BOK: variants seen among roughly 807,000 people sequenced by gnomAD.
BOK encodes bcl-2-related ovarian killer protein.
A neutral mutation model predicts 18.3 loss-of-function variants in BOK; 20 were observed. The ratio of observed to expected loss-of-function variants is 1.09; its 90% CI spans 0.77 to 1.59. BOK has a LOEUF of 1.59. BOK is among the 40% of genes most tolerant of loss of function. BOK has a pLI of 0.00. For missense variants in BOK, 348 were observed against 307.9 expected (o/e 1.13, Z -0.97); for synonymous variants, 173 against 142.4 (o/e 1.21, Z -1.53).
At chr2:241,566,510 T>C (rs1275671924) in intron 3 of BOK, among the ~76,000 whole-genome samples, 2 of 151,962 alleles carry the variant, frequency 1.3e-5, no homozygotes, top group African/African-American at 4.8e-5. Flanking sequence ...AGACAGAGTT[T>C]CACCATGTCA....
Position 241,573,216 on chromosome 2 carries a change from G to A in BOK, c.*794G>A, listed in dbSNP as rs545657725. 8 of 133,582 alleles carry A rather than the reference G, an allele frequency of 6.0e-5. No homozygotes were observed. Among genetic ancestry groups the A allele is most frequent in the African/African-American group, 1.1e-4 (4 of 35,136 alleles). The allele number at this position is 133,582 out of a possible 1,614,324, so 8.3% of individuals were successfully genotyped here. A position where few individuals can be genotyped will look rare whatever the true frequency, so the allele number is the denominator to read the frequency against. On this transcript the variant is annotated 3_prime_UTR_variant, in exon 5 of 5. Transcript: ENST00000318407. The stretch of plus-strand genomic sequence containing the variant: ...AACACCTGCTCTCACCTGAGCCCCC[G>A]GTGAAGGGGCCCGGAACACTTGCTC...
rs569516517 is a variant in BOK, at chr2:241,562,014, G to A, written c.221-334G>A. Among the ~76,000 whole-genome samples the A allele has an allele frequency of 1.2e-4, 19 of 152,362 alleles. No homozygotes were observed. The highest frequency in any genetic ancestry group is 9.6e-4 in the East Asian group (5 of 5,184). The stretch of plus-strand genomic sequence containing the variant: ...GCTCTGGGCAGCTCGGCTGCCTGTC[G>A]GCTGTGAGTCACCAGCAGGCACGGC... On this transcript the variant is annotated intron_variant, in intron 2 of 4. Coordinates refer to ENST00000318407, the MANE Select transcript of BOK (RefSeq NM_032515.5). This position sits in a 1 kb window ranked among gnomAD's most constrained non-coding sequence, Gnocchi z 4.5.
chr2:241,560,207 G>A, intron 2 of BOK: 1 of 985,438 alleles, frequency 1.0e-6, no homozygotes, highest in Non-Finnish European at 1.2e-6. Flanking sequence ...GAGGACATCT[G>A]GGGGTGCTCG....
At chr2:241,560,190 G>A (rs756264415) in intron 2 of BOK, 16 of 985,486 alleles carry the variant, frequency 1.6e-5, no homozygotes, top group Non-Finnish European at 1.9e-5. Flanking sequence ...GTATTCGTTG[G>A]TGCTGTGAGG....
intron 3 of BOK, among the ~76,000 whole-genome samples, chr2:241,563,049 C>T (rs1462076024): frequency 3.3e-5 from 5 of 152,178 alleles, no homozygotes; most frequent in African/African-American, 2.4e-5. Context: ...TCCCGGAGGG[C>T]ATCCGGAGAA....
chr2:241,562,038 GC>G lies in BOK; in HGVS notation c.221-307del, dbSNP rs1201498558. ...CGGCTGTGAGTCACCAGCAGGCACGGCCCACGCTCTCGCAGGATTCCCGCCC... is the reference window on the plus strand; with the variant it reads ...CGGCTGTGAGTCACCAGCAGGCACGGCCACGCTCTCGCAGGATTCCCGCCC... On this transcript the variant is annotated intron_variant, in intron 2 of 4. Transcript: ENST00000318407. This position sits in a 1 kb window ranked among gnomAD's most constrained non-coding sequence, Gnocchi z 4.5. Among the ~76,000 whole-genome samples, 1 of 152,254 alleles carries G rather than the reference GC, an allele frequency of 6.6e-6. No individual in the cohort carries two copies. Among genetic ancestry groups the G allele is most frequent in the African/African-American group, 2.4e-5 (1 of 41,478 alleles).
At chr2:241,552,662 G>A (rs2066422900) in intron 1 of BOK, among the ~76,000 whole-genome samples, 3 of 152,198 alleles carry the variant, frequency 2.0e-5, no homozygotes, top group Admixed American at 2.0e-4. Flanking sequence ...CCCCTGCAAT[G>A]CCAGCGCGTT....
At chr2:241,556,652 T>C (rs2066453816), upstream of BOK, among the ~76,000 whole-genome samples, 1 of 151,256 alleles carries the variant, frequency 6.6e-6, no homozygotes, top group Non-Finnish European at 1.5e-5. Flanking sequence ...TTATTCTTCC[T>C]ACTTCCCAGA....
chr2:241,562,483 C>T lies in BOK; in HGVS notation c.349+7C>T, dbSNP rs774431098. 2.5e-6 allele frequency: 4 copies of T among 1,604,146 alleles called. No individual in the cohort carries two copies. The highest frequency in any genetic ancestry group is 3.4e-6 in the Non-Finnish European group (4 of 1,176,220). On this transcript the variant is annotated splice_region_variant and intron_variant, in intron 3 of 4. Transcript: ENST00000318407. This position sits in a 1 kb window ranked among gnomAD's most constrained non-coding sequence, Gnocchi z 4.5. The stretch of plus-strand genomic sequence containing the variant: ...GGCCACATCTTCTCTGCAGGTATGC[C>T]CAGCCTGCCCGTCCCATGGGACCTC...
In BOK at chr2:241,572,729, C is replaced by T; in HGVS notation, c.*307C>T. The stretch of plus-strand genomic sequence containing the variant: ...GAAGTCAGGGTCAACTCCCAGGCCT[C>T]AGATGCAGGGGCCCAGAACACCTGC... On this transcript the variant is annotated 3_prime_UTR_variant, in exon 5 of 5. Coordinates refer to ENST00000318407, the MANE Select transcript of BOK (RefSeq NM_032515.5). 1 of 416,868 alleles carries T rather than the reference C, an allele frequency of 2.4e-6. No individual in the cohort carries two copies. Among genetic ancestry groups the T allele is most frequent in the Non-Finnish European group, 4.5e-6 (1 of 223,888 alleles). 25.8% of individuals were successfully genotyped at this position (416,868 alleles called of 1,614,324 possible). A position where few individuals can be genotyped will look rare whatever the true frequency, so the allele number is the denominator to read the frequency against.
chr2:241,561,998 A>G (rs2066532131), intron 2 of BOK, among the ~76,000 whole-genome samples: 1 of 152,132 alleles, frequency 6.6e-6, no homozygotes, highest in African/African-American at 2.4e-5. Context: ...TGCTCTGGGC[A>G]GCTCGGCTGC....
At chr2:241,563,211 GC>G (rs1311369446) in intron 3 of BOK, among the ~76,000 whole-genome samples, 1 of 152,164 alleles carries the variant, frequency 6.6e-6, no homozygotes, top group Non-Finnish European at 1.5e-5. Flanking sequence ...GAGGCTTAGG[GC>G]TTGTCTCCCC....
intron 4 of BOK, 77 bp downstream of exon 4, chr2:241,570,365 G>A: frequency 7.0e-7 from 1 of 1,424,608 alleles, no homozygotes; most frequent in African/African-American, 1.5e-5. Flanking sequence ...GTGGTGGATG[G>A]GTGAGCCTCT....
chr2:241,559,207 C>G (rs1368805933), intron 1 of BOK, among the ~76,000 whole-genome samples: 1 of 151,640 alleles, frequency 6.6e-6, no homozygotes, highest in Non-Finnish European at 1.5e-5. Flanking sequence ...GCGGGCCCGG[C>G]GGCCCCGGAG....
At chr2:241,566,059 T>G (rs896637983) in intron 3 of BOK, among the ~76,000 whole-genome samples, 1 of 151,896 alleles carries the variant, frequency 6.6e-6, no homozygotes, top group African/African-American at 2.4e-5. Context: ...CCGAGGTGGG[T>G]GGATCACCTG....
At chr2:241,566,535 G>A (rs1406956384) in intron 3 of BOK, among the ~76,000 whole-genome samples, 1 of 151,956 alleles carries the variant, frequency 6.6e-6, no homozygotes, top group Non-Finnish European at 1.5e-5. Flanking sequence ...GGCTGGTCTC[G>A]AACTCCTGAC....
chr2:241,552,421 G>A (rs1440030291), intron 1 of BOK, among the ~76,000 whole-genome samples: 1 of 152,130 alleles, frequency 6.6e-6, no homozygotes. Flanking sequence ...GCGCCATGCC[G>A]GTCCACACCC....
At position 241,572,378 on chromosome 2, in the gene BOK, C is replaced by G. The variant is rs750654945; in HGVS notation, c.595C>G (p.Arg199Gly). ...WLVAALCSFG[R>G]FLKAAFFVLL... ...GGTGGCTGCACTCTGCAGCTTCGGC[C>G]GCTTCCTGAAGGCTGCCTTCTTCGT... Residue 199 changes from arginine to glycine, a missense_variant, in exon 5 of 5, where the codon CGC (arginine) becomes GGC (glycine). Transcript: ENST00000318407. 1 of 1,605,528 alleles carries G rather than the reference C, an allele frequency of 6.2e-7. No individual in the cohort carries two copies. Among genetic ancestry groups the G allele is most frequent in the East Asian group, 2.2e-5 (1 of 44,840 alleles).
chr2:241,559,742 C>A (rs2066497658), intron 2 of BOK, 39 bp downstream of exon 2: 1 of 1,282,532 alleles, frequency 7.8e-7, no homozygotes, highest in African/African-American at 1.6e-5. Context: ...TGCGCCTCCT[C>A]CCCTGCTGGG....
Sources: allele counts gnomAD v4.1 joint callset (sites outside exome capture counted in the v4.1 genomes callset), GRCh38; gene constraint gnomAD v4.1.1; non-coding constraint Gnocchi (gnomAD v3.1); transcripts MANE v1.5; gene names NCBI Gene and HGNC (gene_info 2026-07-23, HGNC 2026-07-21).